Variants in PAPLN observed in about 807,000 individuals in gnomAD.
PAPLN encodes papilin.
PAPLN carries 146 observed loss-of-function variants against 159.0 expected under a neutral mutation model. The observed-to-expected ratio is 0.92, with a 90% CI of 0.80 to 1.05. The LOEUF is 1.05. Among genes scored for constraint, PAPLN ranks in the 50% least tolerant of loss-of-function variants. PAPLN has a pLI of 0.00. For missense variants in PAPLN, 1,720 were observed against 1,743.9 expected (o/e 0.99, Z 0.24); for synonymous variants, 734 against 702.9 (o/e 1.04, Z -0.70).
chr14:73,259,572 C>G, intron 16 of PAPLN, 27 bp downstream of exon 16: 1 of 1,480,796 alleles, frequency 6.8e-7, no homozygotes, highest in Non-Finnish European at 9.0e-7. Flanking sequence ...GGTCTTCCTC[C>G]TCCCCCGTCA....
In PAPLN at chr14:73,272,606, G is replaced by C. The variant is rs11626824; in HGVS notation, c.3779G>C (p.Ser1260Thr). ...AQLCGNEYYS[S>T]FCCASCSRFQ... ...CTTTGTGGCAATGAGTATTACTCCAGCTTCTGCTGTGCCAGCTGTTCACGT... is the reference window on the plus strand; with the variant it reads ...CTTTGTGGCAATGAGTATTACTCCACCTTCTGCTGTGCCAGCTGTTCACGT... The change falls in exon 27 of 27, where the codon AGC becomes ACC. Residue 1260 changes from serine to threonine, a missense_variant. By Grantham distance (58) the Ser-to-Thr change is moderately conservative. Coordinates refer to ENST00000644200, the MANE Select transcript of PAPLN (RefSeq NM_001365906.3). The C allele has an allele frequency of 6.3e-7, 1 of 1,598,280 alleles. No individual in the cohort carries two copies. Among genetic ancestry groups the C allele is most frequent in the Non-Finnish European group, 8.6e-7 (1 of 1,167,006 alleles).
At chr14:73,264,452 G>A (rs1887001975) in intron 21 of PAPLN, 117 bp downstream of exon 21, 4 of 1,524,284 alleles carry the variant, frequency 2.6e-6, no homozygotes, top group Non-Finnish European at 3.5e-6. Flanking sequence ...GTCTCTCTGA[G>A]TCAATTCCTC....
intron 5 of PAPLN, among the ~76,000 whole-genome samples, chr14:73,246,390 C>T (rs1884328818): frequency 1.4e-5 from 2 of 143,358 alleles, no homozygotes; most frequent in Admixed American, 1.5e-4. Flanking sequence ...GCCACTGTAC[C>T]CGACCAATTT....
At position 73,246,100 on chromosome 14, in the gene PAPLN, C is replaced by G. The variant is rs374147628; in HGVS notation, c.259C>G (p.Arg87Gly). The change falls in exon 5 of 27, where the codon CGG becomes GGG. Residue 87 changes from arginine to glycine, a missense_variant. Transcript: ENST00000644200. Reference protein sequence around the residue: ...ESCPDGARDFRAEQCAEFDGA... With the variant: ...ESCPDGARDFGAEQCAEFDGA... ...CTGCCCCGACGGCGCCCGGGACTTC[C>G]GGGCCGAGCAGTGCGCGGAGTTCGA... 1 of 1,580,756 alleles carries G rather than the reference C, an allele frequency of 6.3e-7. No homozygotes were observed.
chr14:73,236,316 G>A (rs1463290812), upstream of PAPLN, among the ~76,000 whole-genome samples: 3 of 152,176 alleles, frequency 2.0e-5, no homozygotes, highest in Non-Finnish European at 4.4e-5. Context: ...CCTGCCCCCC[G>A]GGACTCACAG....
intron 1 of PAPLN, among the ~76,000 whole-genome samples, chr14:73,238,451 T>C (rs1566665187): frequency 6.6e-6 from 1 of 152,238 alleles, no homozygotes; most frequent in Non-Finnish European, 1.5e-5. Context: ...CCGAAAAAAC[T>C]GAACTTTTCA....
chr14:73,262,649 A>G lies in PAPLN; in HGVS notation c.2545A>G (p.Arg849Gly), dbSNP rs1886717242. The G allele has an allele frequency of 6.6e-7, 1 of 1,506,104 alleles. No individual in the cohort carries two copies. The highest frequency in any genetic ancestry group is 8.9e-7 in the Non-Finnish European group (1 of 1,123,750). The allele number at this position is 1,506,104 out of a possible 1,614,324, so 93.3% of individuals were successfully genotyped here. The change falls in exon 19 of 27, where the codon AGA becomes GGA. Residue 849 changes from arginine (R) to glycine (G), a missense_variant. Coordinates refer to ENST00000644200, the MANE Select transcript of PAPLN (RefSeq NM_001365906.3). Reference protein sequence around the residue: ...SQHRTGAAVQRKPWPSGGLWR... With the variant: ...SQHRTGAAVQGKPWPSGGLWR... ...GCACAGGACAGGGGCCGCGGTGCAG[A>G]GAAAGCCCTGGCCTTCTGGTGGTCT...
Position 73,254,678 on chromosome 14 carries a change from G to T in PAPLN, c.1468G>T (p.Val490Phe), listed in dbSNP as rs368121962. 1.2e-6 allele frequency: 2 copies of T among 1,613,860 alleles called. No individual in the cohort carries two copies. Among genetic ancestry groups the T allele is most frequent in the Non-Finnish European group, 8.5e-7 (1 of 1,179,832 alleles). Residue 490 changes from valine to phenylalanine, a missense_variant, in exon 13 of 27, where the codon GTT becomes TTT. By Grantham distance (50) the Val-to-Phe change is conservative (BLOSUM62 -1). Coordinates refer to ENST00000644200, the MANE Select transcript of PAPLN (RefSeq NM_001365906.3). ...CCTCCTCAGTGACCAGGCCTGGCATGTTGGCACCTGGGGTCTAGTGAGTGC... is the reference window on the plus strand; with the variant it reads ...CCTCCTCAGTGACCAGGCCTGGCATTTTGGCACCTGGGGTCTAGTGAGTGC... ...CPLLSDQAWH[V>F]GTWGLCSKSC...
chr14:73,251,132 C>T (rs1251001660), intron 7 of PAPLN, 102 bp downstream of exon 7: 3 of 1,505,480 alleles, frequency 2.0e-6, no homozygotes, highest in African/African-American at 1.4e-5. Flanking sequence ...AAGTGGCCCT[C>T]ATGGCACTGG....
chr14:73,240,470 TCTCA>T (rs1024426195), intron 2 of PAPLN, among the ~76,000 whole-genome samples: 10 of 151,964 alleles, frequency 6.6e-5, no homozygotes, highest in African/African-American at 2.4e-4. Context: ...TGAGACAGAG[TCTCA>T]CTCTGTCACC....
chr14:73,259,622 T>C, intron 16 of PAPLN, 77 bp downstream of exon 16: 1 of 1,408,760 alleles, frequency 7.1e-7, no homozygotes, highest in East Asian at 2.7e-5. Flanking sequence ...CCAACATCTC[T>C]GATCAGAAGA....
chr14:73,256,369 A>G (rs1566690878), intron 14 of PAPLN, among the ~76,000 whole-genome samples: 1 of 151,882 alleles, frequency 6.6e-6, no homozygotes, highest in Admixed American at 6.6e-5. Flanking sequence ...CGTCTCTACT[A>G]AAAATACAAA....
rs1443063273 is a variant in PAPLN at position 73,237,533 on chromosome 14, G to A, written c.-66G>A. Reference sequence around the variant, plus strand: ...GGCCCGGCCGACCTCGCGGGCTTGGGCCTGGGCGGGCACCGACGGAGCGGC... The same window carrying A: ...GGCCCGGCCGACCTCGCGGGCTTGGACCTGGGCGGGCACCGACGGAGCGGC... On this transcript the variant is annotated 5_prime_UTR_variant, in exon 1 of 27. Transcript: ENST00000644200. The A allele has an allele frequency of 1.8e-4, 27 of 152,346 alleles. 1 individual carries two copies. Among genetic ancestry groups the A allele is most frequent in the Admixed American group, 1.8e-3 (27 of 15,288 alleles). 9.4% of individuals were successfully genotyped at this position (152,346 alleles called of 1,614,324 possible). A position where few individuals can be genotyped will look rare whatever the true frequency, so the allele number is the denominator to read the frequency against.
intron 14 of PAPLN, 33 bp downstream of exon 14, chr14:73,255,051 T>C: frequency 6.3e-7 from 1 of 1,591,716 alleles, no homozygotes; most frequent in Non-Finnish European, 8.6e-7. Flanking sequence ...GAGTCCGGCC[T>C]CTGACCTCTC....
intron 15 of PAPLN, 44 bp from the exon 16 acceptor site, chr14:73,259,225 G>C: frequency 2.0e-6 from 3 of 1,528,036 alleles, no homozygotes; most frequent in Non-Finnish European, 2.6e-6. Flanking sequence ...TGGAGGGGAG[G>C]AGCCAGGTGG....
At position 73,265,450 on chromosome 14, in the gene PAPLN, G is replaced by C. The variant is rs1368785506; in HGVS notation, c.3206G>C (p.Gly1069Ala). Residue 1069 changes from glycine to alanine, a missense_variant, in exon 23 of 27, where the codon GGC becomes GCC. Coordinates refer to ENST00000644200, the MANE Select transcript of PAPLN (RefSeq NM_001365906.3). This position sits in a 1 kb window ranked among gnomAD's most constrained non-coding sequence, Gnocchi z 4.1. ...ATCCGGATGACCTGCCGTGCCGAAG[G>C]CTTCCCGCCCCCAGCCATCGAGTGG... ...QRIRMTCRAEGFPPPAIEWQR... is the reference protein window; with the variant it reads ...QRIRMTCRAEAFPPPAIEWQR... 2 of 1,613,516 alleles carry C rather than the reference G, an allele frequency of 1.2e-6. No individual in the cohort carries two copies. Among genetic ancestry groups the C allele is most frequent in the African/African-American group, 2.7e-5 (2 of 74,942 alleles).
Position 73,265,126 on chromosome 14 carries a change from G to T in PAPLN, c.3126-244G>T, listed in dbSNP as rs938442847. Among the ~76,000 whole-genome samples, 17 of 152,198 alleles carry T rather than the reference G, an allele frequency of 1.1e-4. No individual in the cohort carries two copies. The highest frequency in any genetic ancestry group is 4.1e-4 in the African/African-American group (17 of 41,456). On this transcript the variant is annotated intron_variant, in intron 22 of 26. Transcript: ENST00000644200. The surrounding 1 kb of genome is among the most constrained non-coding windows in gnomAD (Gnocchi z 4.1). ...TGGGGGGTGACAGATGGGGATCCTG[G>T]CTGGTGGGTGTGTCTGGCCAGCTGT... is the stretch of plus-strand genomic sequence containing the variant.
At chr14:73,268,074 C>T (rs561823925) in intron 25 of PAPLN, among the ~76,000 whole-genome samples, 31 of 152,024 alleles carry the variant, frequency 2.0e-4, no homozygotes, top group African/African-American at 7.0e-4. Context: ...CCTGTAGTGT[C>T]GTTCTGCTTG....
In PAPLN at chr14:73,251,575, C is replaced by G; in HGVS notation, c.670+9C>G. 1 of 1,613,118 alleles carries G rather than the reference C, an allele frequency of 6.2e-7. No individual in the cohort carries two copies. The highest frequency in any genetic ancestry group is 8.5e-7 in the Non-Finnish European group (1 of 1,179,904). ...CAGCAGGAACTTCCTGGGTGAGAGC[C>G]TAGGGTTAGGTCCTAGGCAGGTCTG... On this transcript the variant is annotated intron_variant, in intron 8 of 26. Transcript: ENST00000644200.
Sources: allele counts gnomAD v4.1 joint callset (sites outside exome capture counted in the v4.1 genomes callset), GRCh38; gene constraint gnomAD v4.1.1; non-coding constraint Gnocchi (gnomAD v3.1); transcripts MANE v1.5; gene names NCBI Gene and HGNC (gene_info 2026-07-23, HGNC 2026-07-21).